The following HIF1A variants were observed in gnomAD, a reference collection of about 807,000 sequenced individuals.
HIF1A encodes the protein hypoxia inducible factor 1 subunit alpha.
In HIF1A, 24 loss-of-function variants were observed where a neutral mutation model predicts 92.7. The ratio of observed to expected loss-of-function variants is 0.26; its 90% CI spans 0.19 to 0.36. The LOEUF (loss-of-function observed/expected upper bound fraction) is 0.36. HIF1A is among the 10% of genes least tolerant of loss of function. HIF1A has a pLI of 1.00. For missense variants in HIF1A, 799 were observed against 998.5 expected, an observed-to-expected ratio of 0.80 and a Z score of 2.69; for synonymous variants, 319 against 338.7, an observed-to-expected ratio of 0.94 and a Z score of 0.64.
chr14:61,724,252 T>A (rs73331637), intron 4 of HIF1A, among the ~76,000 whole-genome samples: 1,724 of 151,960 alleles, frequency 0.011, 35 homozygotes, highest in African/African-American at 0.038. Flanking sequence ...TCAAGCTTAG[T>A]TTATGAAGGA....
chr14:61,696,155 G>A (rs576379273), intron 1 of HIF1A, among the ~76,000 whole-genome samples: 1 of 152,384 alleles, frequency 6.6e-6, no homozygotes, highest in African/African-American at 2.4e-5. Flanking sequence ...AACCCAGCCT[G>A]CTCTGTGGCC....
chr14:61,695,904 G>A, intron 1 of HIF1A, 65 bp downstream of exon 1: 1 of 1,462,064 alleles, frequency 6.8e-7, no homozygotes, highest in Non-Finnish European at 9.4e-7. Flanking sequence ...CCCGCCCTGG[G>A]CTCCTGGGCC....
chr14:61,696,278 C>T (rs1277805856), intron 1 of HIF1A, among the ~76,000 whole-genome samples: 1 of 152,270 alleles, frequency 6.6e-6, no homozygotes, highest in Non-Finnish European at 1.5e-5. Context: ...CCCATCCTCT[C>T]CAGTTCCATT....
intron 10 of HIF1A, among the ~76,000 whole-genome samples, chr14:61,739,327 G>C (rs571926553): frequency 1.3e-5 from 2 of 152,158 alleles, no homozygotes; most frequent in African/African-American, 2.4e-5. Flanking sequence ...ATATCACACA[G>C]GGCTCTATTT....
chr14:61,734,875 C>T (rs956074632), intron 8 of HIF1A, among the ~76,000 whole-genome samples: 1 of 152,120 alleles, frequency 6.6e-6, no homozygotes, highest in Non-Finnish European at 1.5e-5. Flanking sequence ...CAAACCTGCA[C>T]GTTGTGCACA....
At chr14:61,731,325 A>G (rs571125158) in intron 6 of HIF1A, among the ~76,000 whole-genome samples, 26 of 152,334 alleles carry the variant, frequency 1.7e-4, no homozygotes, top group Admixed American at 3.9e-4. Flanking sequence ...GGTACTAAGA[A>G]GACAGCTTTC....
intron 1 of HIF1A, among the ~76,000 whole-genome samples, chr14:61,719,090 T>G (rs184079782): frequency 6.6e-6 from 1 of 152,314 alleles, no homozygotes; most frequent in Admixed American, 6.5e-5. Context: ...CCTTTCAACT[T>G]TGCAGATCAT....
At chr14:61,732,380 C>T in intron 6 of HIF1A, 38 bp from the exon 7 acceptor site, 1 of 1,365,278 alleles carries the variant, frequency 7.3e-7, no homozygotes, top group East Asian at 2.3e-5. Flanking sequence ...ATCAGTGTCT[C>T]CCTTTTTTTT....
intron 7 of HIF1A, among the ~76,000 whole-genome samples, chr14:61,732,757 CTT>C (rs1039600834): frequency 6.6e-6 from 1 of 152,150 alleles, no homozygotes; most frequent in South Asian, 2.1e-4. Flanking sequence ...AATACAAAGA[CTT>C]TTGAAAATCC....
At chr14:61,717,981 A>G (rs2044382374) in intron 1 of HIF1A, among the ~76,000 whole-genome samples, 1 of 150,896 alleles carries the variant, frequency 6.6e-6, no homozygotes, top group Non-Finnish European at 1.5e-5. Context: ...AGATCTTGCC[A>G]TTGCACTCCA....
chr14:61,744,556 ATAAACT>A (rs1461931406), intron 12 of HIF1A, 143 bp from the exon 13 acceptor site: 1 of 412,250 alleles, frequency 2.4e-6, no homozygotes, highest in Non-Finnish European at 4.4e-6. Flanking sequence ...TTTTAAGATG[ATAAACT>A]TTAGTGATCA....
intron 10 of HIF1A, 43 bp from the exon 11 acceptor site, chr14:61,740,462 T>C (rs765048816): frequency 1.1e-4 from 166 of 1,472,220 alleles, no homozygotes; most frequent in Middle Eastern, 2.1e-4. Context: ...GCAAAGTATA[T>C]GGAAGCTTCT....
intron 8 of HIF1A, among the ~76,000 whole-genome samples, chr14:61,735,071 T>G (rs2044619594): frequency 6.6e-6 from 1 of 152,236 alleles, no homozygotes; most frequent in Non-Finnish European, 1.5e-5. Context: ...TCCTGCCCCA[T>G]CTAGTCTACC....
At chr14:61,746,240 A>T (rs2044785419) in intron 14 of HIF1A, among the ~76,000 whole-genome samples, 1 of 151,514 alleles carries the variant, frequency 6.6e-6, no homozygotes, top group Non-Finnish European at 1.5e-5. Context: ...AAAAAAAAAA[A>T]AAAAGTACAG....
intron 12 of HIF1A, among the ~76,000 whole-genome samples, chr14:61,741,468 A>T (rs1401385965): frequency 6.6e-6 from 1 of 150,620 alleles, no homozygotes; most frequent in African/African-American, 2.4e-5. Context: ...TGGGTGCAAG[A>T]GATTCTCCTG....
At chr14:61,724,500 A>G (rs531031537) in intron 4 of HIF1A, among the ~76,000 whole-genome samples, 12 of 151,944 alleles carry the variant, frequency 7.9e-5, no homozygotes, top group South Asian at 4.2e-4. Flanking sequence ...GTAAACCCAA[A>G]TGGCATGCAT....
At position 61,740,935 on chromosome 14, in the gene HIF1A, G is replaced by C. The variant is rs75521089; in HGVS notation, c.1840G>C (p.Ala614Pro). Residue 614 changes from alanine (A) to proline (P), a missense_variant, in exon 12 of 15, where the codon GCC (alanine) becomes CCC (proline). Physicochemically the swap from Ala to Pro is conservative, Grantham distance 27. Around this residue, in one of 2 missense-constraint regions of HIF1A, gnomAD observed 283 missense variants for 277.5 expected, o/e 1.02. Coordinates refer to ENST00000337138, the MANE Select transcript of HIF1A (RefSeq NM_001530.4). Reference sequence around the variant, plus strand: ...TCAAATACAAGAACCTACTGCTAATGCCACCACTACCACTGCCACCACTGA... The same window carrying C: ...TCAAATACAAGAACCTACTGCTAATCCCACCACTACCACTGCCACCACTGA... ...QTQIQEPTAN[A>P]TTTTATTDEL... The C allele has an allele frequency of 1.9e-6, 3 of 1,614,102 alleles. No individual in the cohort carries two copies. Among genetic ancestry groups the C allele is most frequent in the Non-Finnish European group, 8.5e-7 (1 of 1,179,992 alleles).
At chr14:61,719,061 T>A (rs976330785) in intron 1 of HIF1A, among the ~76,000 whole-genome samples, 1 of 152,234 alleles carries the variant, frequency 6.6e-6, no homozygotes, top group Non-Finnish European at 1.5e-5. Context: ...TACTCCAGAA[T>A]GTTGCTTCTA....
chr14:61,722,372 G>A (rs147935061), intron 4 of HIF1A, among the ~76,000 whole-genome samples: 2 of 152,266 alleles, frequency 1.3e-5, no homozygotes, highest in Non-Finnish European at 2.9e-5. Flanking sequence ...ACAGGCATGA[G>A]CCACCACGCC....
Sources: gnomAD v4.1 joint callset for allele counts (sites outside exome capture counted in the v4.1 genomes callset) on GRCh38, gnomAD v4.1.1 for gene constraint, gnomAD v4.1.1 regional missense constraint, MANE v1.5 for transcripts, NCBI Gene and HGNC (gene_info 2026-07-23, HGNC 2026-07-21) for gene names.